Variants in NOD2 observed in about 807,000 individuals in gnomAD.
The protein encoded by NOD2 is nucleotide binding oligomerization domain containing 2.
A neutral mutation model predicts 90.9 loss-of-function variants in NOD2; 86 were observed. The observed-to-expected ratio is 0.95, with a 90% confidence interval of 0.79 to 1.13. The LOEUF (loss-of-function observed/expected upper bound fraction) is 1.13, where lower values mean the gene tolerates loss of function less well. NOD2 is among the 50% of genes most tolerant of loss of function. NOD2 has a pLI of 0.00. For synonymous variants in NOD2, 581 were observed against 554.6 expected, an observed-to-expected ratio of 1.05 and a Z score of -0.67; for missense variants, 1,238 against 1,283.8, an observed-to-expected ratio of 0.96 and a Z score of 0.55.
intron 4 of NOD2, among the ~76,000 whole-genome samples, chr16:50,714,494 T>C (rs1049759371): frequency 2.0e-5 from 3 of 152,078 alleles, no homozygotes; most frequent in African/African-American, 7.2e-5. Context: ...TGGTTTTCCA[T>C]TAGCAATTAC....
chr16:50,725,636 A>G, intron 10 of NOD2, 64 bp downstream of exon 10: 7 of 1,299,324 alleles, frequency 5.4e-6, no homozygotes, highest in Non-Finnish European at 7.8e-6. Context: ...GCATTTCTGA[A>G]TAAGATCTGG....
At chr16:50,716,138 C>T (rs1341932538) in intron 4 of NOD2, among the ~76,000 whole-genome samples, 3 of 152,186 alleles carry the variant, frequency 2.0e-5, no homozygotes, top group Non-Finnish European at 2.9e-5. Flanking sequence ...TTTGGCCACT[C>T]TCATCCAGCT....
intron 9 of NOD2, among the ~76,000 whole-genome samples, chr16:50,724,482 G>A (rs1965196895): frequency 1.3e-5 from 2 of 152,354 alleles, no homozygotes; most frequent in Middle Eastern, 3.4e-3. Flanking sequence ...AGCAAGGTAG[G>A]CAAGCAGTAT....
chr16:50,710,983 G>A lies in NOD2; in HGVS notation c.991G>A (p.Val331Ile), dbSNP rs967725330. ...CTTTGAGCACTGCTGTTGGCCTGAT[G>A]TTGGTCAAGAAGACATCTTCCAGTT... ...LLFEHCCWPDVGQEDIFQLLL... is the reference protein window; with the variant it reads ...LLFEHCCWPDIGQEDIFQLLL... The change falls in exon 4 of 12, where the codon GTT (valine) becomes ATT (isoleucine). Residue 331 changes from valine to isoleucine, a missense_variant. Val to Ile is a conservative substitution (Grantham distance 29). Coordinates refer to ENST00000647318, the MANE Select transcript of NOD2 (RefSeq NM_001370466.1). The A allele has an allele frequency of 6.2e-7, 1 of 1,614,238 alleles. No individual in the cohort carries two copies. Among genetic ancestry groups the A allele is most frequent in the Non-Finnish European group, 8.5e-7 (1 of 1,180,034 alleles).
At chr16:50,712,815 C>G (rs1964601768) in intron 4 of NOD2, 1 of 225,832 alleles carries the variant, frequency 4.4e-6, no homozygotes. Context: ...CTTGAGGTCA[C>G]TTGCAGAAAG....
chr16:50,704,371 T>C (rs1196067582), intron 2 of NOD2, among the ~76,000 whole-genome samples: 1 of 152,186 alleles, frequency 6.6e-6, no homozygotes, highest in Non-Finnish European at 1.5e-5. Context: ...TGTATGAAAG[T>C]TAAAATTTCT....
intron 4 of NOD2, chr16:50,713,199 C>G (rs1964620141): frequency 6.6e-6 from 1 of 152,320 alleles, no homozygotes; most frequent in African/African-American, 2.4e-5. Flanking sequence ...TGCCCTGCTT[C>G]TATTTAGAAC....
chr16:50,697,392 G>C, intron 1 of NOD2: 1 of 1,360,158 alleles, frequency 7.4e-7, no homozygotes, highest in South Asian at 1.2e-5. Context: ...CATGCTCCCA[G>C]GCCTGGGGTC....
intron 1 of NOD2, chr16:50,697,089 A>G (rs1186472363): frequency 1.4e-6 from 1 of 733,174 alleles, no homozygotes; most frequent in African/African-American, 1.7e-5. Flanking sequence ...TGGTTGGCCA[A>G]CTCTGGCCTC....
chr16:50,715,534 G>C (rs1198890582), intron 4 of NOD2: 2 of 152,012 alleles, frequency 1.3e-5, no homozygotes, highest in Non-Finnish European at 2.9e-5. Context: ...TCCTGCCTCA[G>C]CCTCCCAAGT....
chr16:50,706,927 A>G (rs1964222241), intron 2 of NOD2, among the ~76,000 whole-genome samples: 1 of 151,958 alleles, frequency 6.6e-6, no homozygotes, highest in Non-Finnish European at 1.5e-5. Flanking sequence ...GGAACTCCGG[A>G]CCTTAGGGGA....
chr16:50,710,876 T>A lies in NOD2; in HGVS notation c.884T>A (p.Phe295Tyr). 1 of 1,614,046 alleles carries A rather than the reference T, an allele frequency of 6.2e-7. No homozygotes were observed. The part of the protein sequence containing the change: ...LHLLWAAGQD[F>Y]QEFLFVFPFS... ...TTGCTGTGGGCTGCAGGGCAAGACT[T>A]CCAGGAATTTCTCTTTGTCTTCCCA... The change falls in exon 4 of 12, where the codon TTC becomes TAC. Residue 295 changes from phenylalanine to tyrosine, a missense_variant. Phe to Tyr is a conservative substitution (Grantham distance 22, BLOSUM62 3). Transcript: ENST00000647318.
chr16:50,703,424 G>A lies in NOD2; in HGVS notation c.459+3470G>A, dbSNP rs534932891. On this transcript the variant is annotated intron_variant, in intron 2 of 11. Transcript: ENST00000647318. ...GGAGGCTGAGGCAGGTGGATCACAA[G>A]GTCAGGAGATCGAGACCATCCTGGC... Among the ~76,000 whole-genome samples the A allele has an allele frequency of 1.1e-4, 16 of 152,252 alleles. No homozygotes were observed. The South Asian group carries it at 2.9e-3, about 28-fold the overall frequency.
intron 7 of NOD2, 49 bp downstream of exon 7, chr16:50,720,057 T>C: frequency 6.4e-7 from 1 of 1,556,210 alleles, no homozygotes. Context: ...GCTTGGGACT[T>C]TTGAGGATTT....
At chr16:50,721,410 TTG>T (rs1965055051) in intron 7 of NOD2, among the ~76,000 whole-genome samples, 1 of 151,566 alleles carries the variant, frequency 6.6e-6, no homozygotes, top group Non-Finnish European at 1.5e-5. Context: ...GTTTTTGTTG[TTG>T]TTTTTTTTTG....
intron 2 of NOD2, among the ~76,000 whole-genome samples, 159 bp from the exon 3 acceptor site, chr16:50,707,696 G>A (rs940896223): frequency 2.0e-5 from 3 of 152,218 alleles, no homozygotes; most frequent in African/African-American, 7.2e-5. Context: ...ATCCAACACT[G>A]TATTAACTAC....
chr16:50,726,778 A>G (rs1293753478), intron 10 of NOD2, among the ~76,000 whole-genome samples: 2 of 152,240 alleles, frequency 1.3e-5, no homozygotes, highest in African/African-American at 4.8e-5. Context: ...CTTCTGATAT[A>G]TCTTTTATAA....
intron 3 of NOD2, among the ~76,000 whole-genome samples, chr16:50,709,630 A>AC (rs913479120): frequency 6.6e-6 from 1 of 152,016 alleles, no homozygotes; most frequent in Non-Finnish European, 1.5e-5. Context: ...CAGCTGGGGC[A>AC]CCCCGGTGAC....
Position 50,732,193 on chromosome 16 carries a change from C to T in NOD2, c.*374C>T, listed in dbSNP as rs1044571264. 23 of 370,998 alleles carry T rather than the reference C, an allele frequency of 6.2e-5. No homozygotes were observed. Among genetic ancestry groups the T allele is most frequent in the Non-Finnish European group, 8.9e-5 (17 of 192,024 alleles). The allele number at this position is 370,998 out of a possible 1,614,324, so 23.0% of individuals were successfully genotyped here. A position where few individuals can be genotyped will look rare whatever the true frequency, so the allele number is the denominator to read the frequency against. ...CTGAGTGCCTTTTGGTGGAGAGGCCCGGCCTCTCACAAAAGACCCCTTACC... is the reference window on the plus strand; with the variant it reads ...CTGAGTGCCTTTTGGTGGAGAGGCCTGGCCTCTCACAAAAGACCCCTTACC... On this transcript the variant is annotated 3_prime_UTR_variant, in exon 12 of 12. Transcript: ENST00000647318.
Sources: gnomAD v4.1 joint callset for allele counts (sites outside exome capture counted in the v4.1 genomes callset) on GRCh38, gnomAD v4.1.1 for gene constraint, MANE v1.5 for transcripts, NCBI Gene and HGNC (gene_info 2026-07-23, HGNC 2026-07-21) for gene names.